CEP126: variants seen among roughly 807,000 people sequenced by gnomAD.
CEP126 encodes centrosomal protein of 126 kDa.
In CEP126, 74 loss-of-function variants were observed where a neutral mutation model predicts 107.8. The ratio of observed to expected loss-of-function variants is 0.69; its 90% CI spans 0.57 to 0.83. The LOEUF (loss-of-function observed/expected upper bound fraction) is 0.83. Ranked by LOEUF, CEP126 falls within the 40% of genes least tolerant of loss-of-function variation. CEP126 has a pLI of 0.00. For missense variants in CEP126, 1,237 were observed against 1,281.9 expected, an observed-to-expected ratio of 0.96 and a Z score of 0.53; for synonymous variants, 449 against 446.0, an observed-to-expected ratio of 1.01 and a Z score of -0.08.
intron 5 of CEP126, among the ~76,000 whole-genome samples, chr11:101,960,898 A>G (rs116845635): frequency 0.021 from 3,249 of 152,216 alleles, 36 homozygotes; most frequent in African/African-American, 0.029. Context: ...TATGTGATGT[A>G]GATTAATGCA....
chr11:101,994,994 A>C (rs1446368328), intron 10 of CEP126, among the ~76,000 whole-genome samples: 1 of 151,804 alleles, frequency 6.6e-6, no homozygotes, highest in East Asian at 1.9e-4. Context: ...CATCTACATT[A>C]GGTATTTCCC....
rs574792608 is a variant in CEP126, at chr11:101,994,922, C to T, written c.3309+2080C>T. On this transcript the variant is annotated intron_variant, in intron 10 of 10. Coordinates refer to ENST00000263468, the MANE Select transcript of CEP126 (RefSeq NM_020802.4). ...TAAGTTCTGGGATACATGTGCAGAA[C>T]ATGCAGGTTTGTTACATAGGTATAC... Among the ~76,000 whole-genome samples, 4 of 149,446 alleles carry T rather than the reference C, an allele frequency of 2.7e-5. No homozygotes were observed. In the East Asian group the frequency reaches 8.0e-4, roughly 30 times the overall value.
At position 101,962,819 on chromosome 11, in the gene CEP126, T is replaced by C. The variant is rs750654293; in HGVS notation, c.1784T>C (p.Ile595Thr). The change falls in exon 6 of 11, where the codon ATA becomes ACA. Residue 595 changes from isoleucine to threonine, a missense_variant. Coordinates refer to ENST00000263468, the MANE Select transcript of CEP126 (RefSeq NM_020802.4). The stretch of plus-strand genomic sequence containing the variant: ...CATGGTTATCTTAAGGCATTAATTA[T>C]AAATCAGAGCTTTAAGTTTGGAAAT... ...YEHGYLKALIINQSFKFGNQK... is the reference protein window; with the variant it reads ...YEHGYLKALITNQSFKFGNQK... 4.4e-6 allele frequency: 7 copies of C among 1,601,846 alleles called. No homozygotes were observed. The African/African-American group carries it at 9.5e-5, about 22-fold the overall frequency.
chr11:101,997,708 T>C lies in CEP126; in HGVS notation c.*65T>C, dbSNP rs1176695890. Reference sequence around the variant, plus strand: ...CCCTAGGACTAGATGCATACCGTTTTGTGAAAACCAGCCATAGGAAAACAT... The same window carrying C: ...CCCTAGGACTAGATGCATACCGTTTCGTGAAAACCAGCCATAGGAAAACAT... On this transcript the variant is annotated 3_prime_UTR_variant, in exon 11 of 11. Coordinates refer to ENST00000263468, the MANE Select transcript of CEP126 (RefSeq NM_020802.4). 1 of 1,604,024 alleles carries C rather than the reference T, an allele frequency of 6.2e-7. No homozygotes were observed. The highest frequency in any genetic ancestry group is 8.5e-7 in the Non-Finnish European group (1 of 1,174,846).
chr11:101,939,498 A>G (rs1303507320), intron 2 of CEP126, among the ~76,000 whole-genome samples: 2 of 152,186 alleles, frequency 1.3e-5, no homozygotes, highest in Non-Finnish European at 2.9e-5. Flanking sequence ...TATATTTGCA[A>G]TTGGGTCTTA....
At chr11:101,977,791 T>A (rs1941209338) in intron 6 of CEP126, among the ~76,000 whole-genome samples, 1 of 152,314 alleles carries the variant, frequency 6.6e-6, no homozygotes, top group African/African-American at 2.4e-5. Context: ...TACTATAAGA[T>A]ACGCATAAAT....
At chr11:101,923,421 C>T (rs1940361457) in intron 2 of CEP126, among the ~76,000 whole-genome samples, 1 of 152,072 alleles carries the variant, frequency 6.6e-6, no homozygotes, top group South Asian at 2.1e-4. Context: ...TGAGACAGAG[C>T]AGTTATGCCA....
chr11:101,932,306 T>C (rs552997681), intron 2 of CEP126, among the ~76,000 whole-genome samples: 1 of 152,316 alleles, frequency 6.6e-6, no homozygotes, highest in East Asian at 1.9e-4. Context: ...TGTCTGCTTA[T>C]TGGTGACACT....
rs545613580 is a variant in CEP126 at position 101,957,685 on chromosome 11, G to A, written c.507-483G>A. On this transcript the variant is annotated intron_variant, in intron 4 of 10. Coordinates refer to ENST00000263468, the MANE Select transcript of CEP126 (RefSeq NM_020802.4). ...GTTAAATAGGGAGGAAATTCCTGCT[G>A]ACCCTGACAAGCAATTTTTATATTT... 1.3e-4 allele frequency among the ~76,000 whole-genome samples: 20 copies of A among 152,228 alleles called. No individual in the cohort carries two copies. In the East Asian group the frequency reaches 3.1e-3, roughly 24 times the overall value.
chr11:101,981,869 T>G lies in CEP126; in HGVS notation c.2959-20T>G. On this transcript the variant is annotated intron_variant, in intron 7 of 10. Coordinates refer to ENST00000263468, the MANE Select transcript of CEP126 (RefSeq NM_020802.4). ...TTTAAATATGGAAATATGTTTTAAT[T>G]CAATATTCTATTTTTGTAGAATTTT... The G allele has an allele frequency of 6.9e-7, 1 of 1,451,854 alleles. No individual in the cohort carries two copies. Among genetic ancestry groups the G allele is most frequent in the Non-Finnish European group, 9.5e-7 (1 of 1,050,726 alleles). 89.9% of individuals were successfully genotyped at this position (1,451,854 alleles called of 1,614,324 possible). A position where few individuals can be genotyped will look rare whatever the true frequency, so the allele number is the denominator to read the frequency against.
At chr11:101,940,620 T>G (rs1331395020) in intron 2 of CEP126, among the ~76,000 whole-genome samples, 1 of 152,214 alleles carries the variant, frequency 6.6e-6, no homozygotes, top group Non-Finnish European at 1.5e-5. Context: ...ATCTGAAGAT[T>G]CCACTTCGTT....
chr11:101,962,321 A>G lies in CEP126; in HGVS notation c.1286A>G (p.Gln429Arg). The G allele has an allele frequency of 1.2e-5, 20 of 1,613,490 alleles. No homozygotes were observed. The highest frequency in any genetic ancestry group is 1.7e-5 in the Non-Finnish European group (20 of 1,179,720). Reference sequence around the variant, plus strand: ...CAAAGCACTTCAGATTCTCTAACCCAGGAAGTGGCTACATTTCCAGACCAA... The same window carrying G: ...CAAAGCACTTCAGATTCTCTAACCCGGGAAGTGGCTACATTTCCAGACCAA... ...KSQSTSDSLTQEVATFPDQEK... is the reference protein window; with the variant it reads ...KSQSTSDSLTREVATFPDQEK... Residue 429 changes from glutamine (Q) to arginine (R), a missense_variant, in exon 6 of 11, where the codon CAG (glutamine) becomes CGG (arginine). This residue lies in a region of CEP126 where 1,134 missense variants were observed against 1,150.5 expected (regional missense o/e 0.99). Transcript: ENST00000263468.
intron 4 of CEP126, among the ~76,000 whole-genome samples, chr11:101,957,644 C>A (rs981906870): frequency 1.3e-5 from 2 of 152,098 alleles, no homozygotes; most frequent in Non-Finnish European, 2.9e-5. Flanking sequence ...GAGGACGATC[C>A]AAGTTCCCAA....
chr11:101,987,107 CTTTAA>C lies in CEP126; in HGVS notation c.3244+72_3244+76del, dbSNP rs913183019. ...TATACTTAGACAATTTTAATTTAAA[CTTTAA>C]TTTAAAAATTGAAAAGAAAAATACA... On this transcript the variant is annotated intron_variant, in intron 9 of 10. Transcript: ENST00000263468. 2.4e-5 allele frequency: 28 copies of C among 1,146,728 alleles called. No individual in the cohort carries two copies. The African/African-American group carries it at 2.5e-4, about 10-fold the overall frequency. 71.0% of individuals were successfully genotyped at this position (1,146,728 alleles called of 1,614,324 possible).
chr11:101,937,950 G>A (rs1315786580), intron 2 of CEP126, among the ~76,000 whole-genome samples: 2 of 151,086 alleles, frequency 1.3e-5, no homozygotes, highest in African/African-American at 2.4e-5. Flanking sequence ...TCAGGAGATC[G>A]AGACCATCCT....
At chr11:101,979,568 C>T (rs866559655) in intron 7 of CEP126, among the ~76,000 whole-genome samples, 1 of 151,974 alleles carries the variant, frequency 6.6e-6, no homozygotes, top group East Asian at 1.9e-4. Flanking sequence ...GGCAACATAG[C>T]AAGACCTCGT....
chr11:101,924,542 TG>T, intron 2 of CEP126, among the ~76,000 whole-genome samples: 1 of 152,142 alleles, frequency 6.6e-6, no homozygotes, highest in East Asian at 1.9e-4. Flanking sequence ...CTCAGCTCAC[TG>T]CAACCTCCGC....
At chr11:101,959,189 A>G (rs1489279900) in intron 5 of CEP126, among the ~76,000 whole-genome samples, 2 of 150,322 alleles carry the variant, frequency 1.3e-5, no homozygotes, top group East Asian at 3.9e-4. Flanking sequence ...ATGGAGTCTC[A>G]CTCTGTCACC....
At position 101,963,151 on chromosome 11, in the gene CEP126, G is replaced by A. The variant is rs1334845336; in HGVS notation, c.2116G>A (p.Ala706Thr). The A allele has an allele frequency of 6.2e-7, 1 of 1,614,084 alleles. No individual in the cohort carries two copies. The highest frequency in any genetic ancestry group is 8.5e-7 in the Non-Finnish European group (1 of 1,179,994). Residue 706 changes from alanine (A) to threonine (T), a missense_variant, in exon 6 of 11, where the codon GCA becomes ACA. Coordinates refer to ENST00000263468, the MANE Select transcript of CEP126 (RefSeq NM_020802.4). ...ENVTTLGGSG[A>T]DHMPLNCFIP... ...TGTTACGACTTTAGGAGGATCTGGA[G>A]CAGACCATATGCCTTTGAACTGTTT...
Sources: allele counts gnomAD v4.1 joint callset (sites outside exome capture counted in the v4.1 genomes callset), GRCh38; gene constraint gnomAD v4.1.1; regional missense constraint gnomAD v4.1.1; transcripts MANE v1.5; gene names NCBI Gene and HGNC (gene_info 2026-07-23, HGNC 2026-07-21).